Variants in RAD54B observed in about 807,000 individuals in gnomAD.
RAD54B encodes the protein RAD54 homolog B, also known as DNA repair and recombination protein RAD54B.
RAD54B carries 78 observed loss-of-function variants against 95.8 expected under a neutral mutation model. That is an observed-to-expected ratio of 0.81 (90% confidence interval 0.68 to 0.98). The LOEUF is 0.98. Among genes scored for constraint, RAD54B ranks in the 50% least tolerant of loss-of-function variants. RAD54B has a pLI of 0.00. For missense variants in RAD54B, 957 were observed against 1,056.6 expected, an observed-to-expected ratio of 0.91 and a Z score of 1.31; for synonymous variants, 328 against 354.9, an observed-to-expected ratio of 0.92 and a Z score of 0.85.
intron 3 of RAD54B, among the ~76,000 whole-genome samples, chr8:94,442,936 C>T (rs968961990): frequency 2.6e-5 from 4 of 152,158 alleles, no homozygotes; most frequent in African/African-American, 9.7e-5. Flanking sequence ...AGGACATATA[C>T]CTCCCTCACA....
rs573338180 is a variant in RAD54B, at chr8:94,430,707, T to C, written c.305-19392A>G. On this transcript the variant is annotated intron_variant, in intron 3 of 14. Coordinates refer to ENST00000336148, the MANE Select transcript of RAD54B (RefSeq NM_012415.3). ...CACTCACATGTTGTCTGTATAATGT[T>C]TTAAAAGCATTTTGTGTTATTTGCA... The C allele has an allele frequency of 5.0e-5, 46 of 927,470 alleles. No homozygotes were observed. The African/African-American group carries it at 8.2e-4, about 17-fold the overall frequency. The allele number at this position is 927,470 out of a possible 1,614,324, so 57.5% of individuals were successfully genotyped here.
At chr8:94,434,308 G>C (rs1812198836) in intron 3 of RAD54B, among the ~76,000 whole-genome samples, 1 of 151,600 alleles carries the variant, frequency 6.6e-6, no homozygotes, top group South Asian at 2.1e-4. Context: ...TTCCATTTTA[G>C]CTAAAACATT....
chr8:94,398,459 G>C (rs967385767), intron 8 of RAD54B, among the ~76,000 whole-genome samples: 1 of 152,016 alleles, frequency 6.6e-6, no homozygotes, highest in Non-Finnish European at 1.5e-5. Context: ...AGTATAGGAA[G>C]GAGGTACAAG....
intron 1 of RAD54B, among the ~76,000 whole-genome samples, chr8:94,473,553 GC>G (rs1157080955): frequency 3.1e-4 from 47 of 152,290 alleles, no homozygotes; most frequent in Non-Finnish European, 5.6e-4. Flanking sequence ...CACATAGTAA[GC>G]ACTCAATGTT....
chr8:94,458,789 C>T lies in RAD54B; in HGVS notation c.136-353G>A, dbSNP rs143133535. On this transcript the variant is annotated intron_variant, in intron 2 of 14. Coordinates refer to ENST00000336148, the MANE Select transcript of RAD54B (RefSeq NM_012415.3). Reference sequence around the variant, plus strand: ...GATTGAGGCAGGAGAATCGCTTGAACTCAGGAGGCGGAGGTTGCAGTGAGC... The same window carrying T: ...GATTGAGGCAGGAGAATCGCTTGAATTCAGGAGGCGGAGGTTGCAGTGAGC... Among the ~76,000 whole-genome samples, 391 of 152,120 alleles carry T rather than the reference C, an allele frequency of 2.6e-3. 1 individual carries two copies. The highest frequency in any genetic ancestry group is 9.2e-3 in the African/African-American group (380 of 41,468).
rs549921084 is a variant in RAD54B, at chr8:94,461,334, G to A, written c.136-2898C>T. On this transcript the variant is annotated intron_variant, in intron 2 of 14. Transcript: ENST00000336148. Reference sequence around the variant, plus strand: ...ATTACAGGCATGCACCACCACACCCGGCTAATTTTGTATTTTTAGTAGAGA... The same window carrying A: ...ATTACAGGCATGCACCACCACACCCAGCTAATTTTGTATTTTTAGTAGAGA... Among the ~76,000 whole-genome samples the A allele has an allele frequency of 8.2e-3, 1,234 of 150,848 alleles. 8 individuals are homozygous for A. Among genetic ancestry groups the A allele is most frequent in the Non-Finnish European group, 0.013 (848 of 67,694 alleles).
intron 3 of RAD54B, among the ~76,000 whole-genome samples, chr8:94,439,272 C>T (rs1185437444): frequency 6.6e-6 from 1 of 152,016 alleles, no homozygotes; most frequent in East Asian, 1.9e-4. Context: ...TCAGAATATA[C>T]CTTAGAAAAA....
chr8:94,372,162 AT>A lies in RAD54B; in HGVS notation c.*7del. On this transcript the variant is annotated 3_prime_UTR_variant, in exon 15 of 15. Coordinates refer to ENST00000336148, the MANE Select transcript of RAD54B (RefSeq NM_012415.3). Reference sequence around the variant, plus strand: ...GAAGAGCAATGGAATGTCAGAAGTAATCTTTCACTATGTGCCAGTAGCTTGA... The same window carrying A: ...GAAGAGCAATGGAATGTCAGAAGTAACTTTCACTATGTGCCAGTAGCTTGA... 1 of 1,588,394 alleles carries A rather than the reference AT, an allele frequency of 6.3e-7. No individual in the cohort carries two copies. Among genetic ancestry groups the A allele is most frequent in the Non-Finnish European group, 8.5e-7 (1 of 1,173,072 alleles).
chr8:94,417,596 G>A (rs1484968001), intron 3 of RAD54B, among the ~76,000 whole-genome samples: 3 of 151,640 alleles, frequency 2.0e-5, no homozygotes, highest in Admixed American at 6.6e-5. Flanking sequence ...AAATGGTTTC[G>A]CAGACTCTTT....
At chr8:94,465,944 G>A (rs1478696961) in intron 2 of RAD54B, among the ~76,000 whole-genome samples, 1 of 152,188 alleles carries the variant, frequency 6.6e-6, no homozygotes, top group Non-Finnish European at 1.5e-5. Context: ...ACTTCCATGA[G>A]GTACCTAGGG....
chr8:94,381,828 G>A (rs770295878), intron 11 of RAD54B, among the ~76,000 whole-genome samples: 8 of 152,106 alleles, frequency 5.3e-5, no homozygotes, highest in Non-Finnish European at 1.0e-4. Context: ...TGTTTTAAGA[G>A]AAAGGCCGGG....
At chr8:94,422,362 G>T (rs748369098) in intron 3 of RAD54B, among the ~76,000 whole-genome samples, 3 of 151,010 alleles carry the variant, frequency 2.0e-5, no homozygotes, top group East Asian at 3.9e-4. Context: ...TGAGGCAGGC[G>T]GATTACCTGA....
intron 11 of RAD54B, among the ~76,000 whole-genome samples, 198 bp from the exon 12 acceptor site, chr8:94,380,604 C>A (rs542044009): frequency 6.6e-6 from 1 of 152,170 alleles, no homozygotes; most frequent in African/African-American, 2.4e-5. Flanking sequence ...TAAGACAGTG[C>A]GGCAAAGACC....
intron 1 of RAD54B, among the ~76,000 whole-genome samples, chr8:94,473,858 T>C (rs761447092): frequency 2.4e-4 from 37 of 152,214 alleles, no homozygotes; most frequent in Non-Finnish European, 5.1e-4. Context: ...ACTCCGGCTA[T>C]ATAGATGGTT....
intron 3 of RAD54B, chr8:94,432,275 ATT>A: frequency 1.3e-6 from 2 of 1,550,204 alleles, no homozygotes; most frequent in Non-Finnish European, 1.7e-6. Context: ...ACAATCCAAA[ATT>A]TTTTTGATTT....
intron 3 of RAD54B, among the ~76,000 whole-genome samples, chr8:94,417,161 T>A (rs894726601): frequency 6.6e-6 from 1 of 152,192 alleles, no homozygotes. Flanking sequence ...AGGATTCCAT[T>A]CATATAAAAT....
intron 4 of RAD54B, 130 bp downstream of exon 4, chr8:94,410,991 T>C (rs1811514030): frequency 4.5e-6 from 3 of 663,936 alleles, no homozygotes; most frequent in Admixed American, 3.3e-5. Flanking sequence ...TTATACACAG[T>C]TGAGGCATGA....
chr8:94,445,934 T>A (rs899954226), intron 3 of RAD54B, among the ~76,000 whole-genome samples: 2 of 152,194 alleles, frequency 1.3e-5, no homozygotes, highest in African/African-American at 4.8e-5. Flanking sequence ...GATTGATGGA[T>A]AAATATATAA....
In RAD54B at chr8:94,378,345, T is replaced by C; in HGVS notation, c.2350A>G (p.Ser784Gly). ...ACTGCCCCACAAAGACCTTGCTTACTGATCTGCCTTTGATAGATCTTTTCT... is the reference window on the plus strand; with the variant it reads ...ACTGCCCCACAAAGACCTTGCTTACCGATCTGCCTTTGATAGATCTTTTCT... ...IEEKIYQRQI[S>G]KQGLCGAVVD... Residue 784 changes from serine to glycine, a missense_variant, in exon 14 of 15, where the codon AGT becomes GGT. By Grantham distance (56) the Ser-to-Gly change is moderately conservative. Coordinates refer to ENST00000336148, the MANE Select transcript of RAD54B (RefSeq NM_012415.3). 2 of 1,614,044 alleles carry C rather than the reference T, an allele frequency of 1.2e-6. No individual in the cohort carries two copies. Among genetic ancestry groups the C allele is most frequent in the Non-Finnish European group, 1.7e-6 (2 of 1,179,964 alleles).
Sources: gnomAD v4.1 joint callset for allele counts (sites outside exome capture counted in the v4.1 genomes callset) on GRCh38, gnomAD v4.1.1 for gene constraint, MANE v1.5 for transcripts, NCBI Gene and HGNC (gene_info 2026-07-23, HGNC 2026-07-21) for gene names.